PHIP: variants seen among roughly 807,000 people sequenced by gnomAD.
PHIP encodes PH-interacting protein.
In PHIP, 54 loss-of-function variants were observed where a neutral mutation model predicts 236.8. That is an observed-to-expected ratio of 0.23 (90% CI 0.18 to 0.29). The LOEUF is 0.29. Ranked by LOEUF, PHIP falls within the 10% of genes least tolerant of loss-of-function variation. The probability of loss-of-function intolerance (pLI) is 1.00; values close to 1 mark genes in which losing one functional copy is unlikely to be tolerated. For synonymous variants in PHIP, 756 were observed against 718.9 expected (o/e 1.05, Z -0.83); for missense variants, 1,370 against 2,190.8 (o/e 0.63, Z 7.48).
chr6:79,048,090 T>C (rs900731030), intron 6 of PHIP, among the ~76,000 whole-genome samples: 1 of 151,946 alleles, frequency 6.6e-6, no homozygotes, highest in Non-Finnish European at 1.5e-5. Flanking sequence ...CAATCAATGA[T>C]GTTTTAATAT....
chr6:78,941,741 T>A (rs1235685565), intron 39 of PHIP, among the ~76,000 whole-genome samples: 1 of 152,172 alleles, frequency 6.6e-6, no homozygotes, highest in Non-Finnish European at 1.5e-5. Context: ...AAAAGTCCTA[T>A]CTCCTTGTGT....
At position 78,945,368 on chromosome 6, in the gene PHIP, C is replaced by T. The variant is rs760455292; in HGVS notation, c.4760G>A (p.Arg1587His). 4 of 1,613,694 alleles carry T rather than the reference C, an allele frequency of 2.5e-6. No homozygotes were observed. The African/African-American group carries it at 4.0e-5, about 16-fold the overall frequency. Residue 1587 changes from arginine to histidine, a missense_variant, in exon 39 of 40, where the codon CGT becomes CAT. Physicochemically the swap from Arg to His is conservative, Grantham distance 29 (BLOSUM62 0). Coordinates refer to ENST00000275034, the MANE Select transcript of PHIP (RefSeq NM_017934.7). The part of the protein sequence containing the change: ...ENMEKEKPVK[R>H]KMKSSVLPKA... The stretch of plus-strand genomic sequence containing the variant: ...TGGGAGTACAGATGACTTCATTTTA[C>T]GTTTGACTGGCTTTTCCTTTTCCAT...
chr6:79,074,657 A>C (rs536487154), intron 4 of PHIP, among the ~76,000 whole-genome samples: 1 of 152,228 alleles, frequency 6.6e-6, no homozygotes, highest in South Asian at 2.1e-4. Context: ...GTAGATGGTG[A>C]TAATCAGTCA....
chr6:78,997,002 G>A (rs1171537824), intron 19 of PHIP, among the ~76,000 whole-genome samples: 1 of 150,140 alleles, frequency 6.7e-6, no homozygotes, highest in Non-Finnish European at 1.5e-5. Flanking sequence ...AAATCTTTTT[G>A]TATTTTCCAA....
Position 78,954,832 on chromosome 6 carries a change from T to C in PHIP, c.4035A>G (p.Val1345=). 6.3e-7 allele frequency: 1 copy of C among 1,582,972 alleles called. No individual in the cohort carries two copies. ...CEDSEPFRQP[V]DLLEYPDYRD... ...TACTTACTGGATATTCAAGGAGATC[T>C]ACCGGCTGACGGAAAGGCTCTGAAT... Residue 1345 remains valine, a synonymous_variant, in exon 35 of 40, where the codon GTA becomes GTG. Transcript: ENST00000275034.
intron 29 of PHIP, among the ~76,000 whole-genome samples, chr6:78,964,797 A>G (rs1470405564): frequency 6.6e-6 from 1 of 152,170 alleles, no homozygotes; most frequent in Non-Finnish European, 1.5e-5. Context: ...GCCCTGTAAT[A>G]TATTATTTTT....
rs1769009060 is a variant in PHIP at position 78,988,466 on chromosome 6, T to C, written c.2320-117A>G. The C allele has an allele frequency of 1.7e-5, 11 of 636,016 alleles. No individual in the cohort carries two copies. In the South Asian group the frequency reaches 2.3e-4, roughly 13 times the overall value. 39.4% of individuals were successfully genotyped at this position (636,016 alleles called of 1,614,324 possible). On this transcript the variant is annotated intron_variant, in intron 20 of 39. Transcript: ENST00000275034. ...AGCTGGGCATGGTGGCGCATGCCTA[T>C]AGTCCCAGCTACTTGGGAAGATTGC...
chr6:79,017,394 TAAAC>T lies in PHIP; in HGVS notation c.1096-12_1096-9del. On this transcript the variant is annotated splice_polypyrimidine_tract_variant and intron_variant, in intron 11 of 39. Transcript: ENST00000275034. ...GATACTGTCAACTTTGTCCTATATA[TAAAC>T]AAATAAACAAAAAAGTGGGTGCTGA... 1 of 1,584,356 alleles carries T rather than the reference TAAAC, an allele frequency of 6.3e-7. No homozygotes were observed. Among genetic ancestry groups the T allele is most frequent in the Non-Finnish European group, 8.6e-7 (1 of 1,160,226 alleles).
At chr6:78,987,941 GTA>G (rs1235238126) in intron 21 of PHIP, among the ~76,000 whole-genome samples, 1 of 152,134 alleles carries the variant, frequency 6.6e-6, no homozygotes, top group Admixed American at 6.5e-5. Flanking sequence ...ATAGGTGACT[GTA>G]TAGTCTAAAT....
At chr6:78,978,766 C>G in intron 23 of PHIP, 55 bp from the exon 24 acceptor site, 1 of 1,357,654 alleles carries the variant, frequency 7.4e-7, no homozygotes, top group South Asian at 1.3e-5. Context: ...CATTAATCCA[C>G]AAATCTACTC....
Position 78,998,324 on chromosome 6 carries a change from T to A in PHIP, c.1947A>T (p.Arg649Ser). The change falls in exon 18 of 40, where the codon AGA (arginine) becomes AGT (serine). Residue 649 changes from arginine (R) to serine (S), a missense_variant. Arg to Ser is a moderately radical substitution (Grantham distance 110, BLOSUM62 -1). Around this residue, in one of 14 missense-constraint regions of PHIP, gnomAD observed 133 missense variants for 245.2 expected, o/e 0.54. Transcript: ENST00000275034. ...EISPLDSMIQ[R>S]LQQEQDLRRS... ...GTCTCAGGTCTTGCTCCTGTTGTAG[T>A]CTTTGAATCATGCTGTCCAGTGGGC... 6.2e-7 allele frequency: 1 copy of A among 1,613,482 alleles called. No individual in the cohort carries two copies. Among genetic ancestry groups the A allele is most frequent in the Non-Finnish European group, 8.5e-7 (1 of 1,179,438 alleles).
Position 79,077,732 on chromosome 6 carries a change from G to A in PHIP, c.100-3C>T, listed in dbSNP as rs998023935. ...TCGGCCACCTCGCGGATCAGCACCT[G>A]CAACAACAAAGCGGGGAGAGCTGAG... is the stretch of plus-strand genomic sequence containing the variant. On this transcript the variant is annotated splice_polypyrimidine_tract_variant and splice_region_variant and intron_variant, in intron 2 of 39. Transcript: ENST00000275034. The A allele has an allele frequency of 2.1e-5, 21 of 1,012,474 alleles. No homozygotes were observed. Among genetic ancestry groups the A allele is most frequent in the Non-Finnish European group, 2.5e-5 (21 of 849,928 alleles). 62.7% of individuals were successfully genotyped at this position (1,012,474 alleles called of 1,614,324 possible). A position where few individuals can be genotyped will look rare whatever the true frequency, so the allele number is the denominator to read the frequency against.
rs1323091022 is a variant in PHIP, at chr6:79,002,234, T to C, written c.1654-110A>G. The C allele has an allele frequency of 1.2e-5, 8 of 644,780 alleles. No individual in the cohort carries two copies. The African/African-American group carries it at 1.3e-4, about 10-fold the overall frequency. The allele number at this position is 644,780 out of a possible 1,614,324, so 39.9% of individuals were successfully genotyped here. A position where few individuals can be genotyped will look rare whatever the true frequency, so the allele number is the denominator to read the frequency against. ...GCAAACACCTGAATACGAATAATGGTATTAAGCAACAATTTTTAAAATATT... is the reference window on the plus strand; with the variant it reads ...GCAAACACCTGAATACGAATAATGGCATTAAGCAACAATTTTTAAAATATT... On this transcript the variant is annotated intron_variant, in intron 16 of 39. Coordinates refer to ENST00000275034, the MANE Select transcript of PHIP (RefSeq NM_017934.7).
intron 16 of PHIP, 144 bp from the exon 17 acceptor site, chr6:79,002,268 G>A (rs566425471): frequency 1.7e-5 from 10 of 589,016 alleles, no homozygotes; most frequent in Admixed American, 3.0e-5. Context: ...TTATTTTCCT[G>A]AATTAATTGT....
chr6:78,937,704 C>G lies in PHIP; in HGVS notation c.*2989G>C, dbSNP rs1437889149. 2 of 151,594 alleles carry G rather than the reference C, an allele frequency of 1.3e-5. No individual in the cohort carries two copies. Among genetic ancestry groups the G allele is most frequent in the Admixed American group, 6.6e-5 (1 of 15,230 alleles). The allele number at this position is 151,594 out of a possible 1,614,324, so 9.4% of individuals were successfully genotyped here. A position where few individuals can be genotyped will look rare whatever the true frequency, so the allele number is the denominator to read the frequency against. The stretch of plus-strand genomic sequence containing the variant: ...GCCAATCTTTAGTTTATAATACATG[C>G]AGAAAATAGTCCAATGCCACTATAG... On this transcript the variant is annotated 3_prime_UTR_variant, in exon 40 of 40. Transcript: ENST00000275034.
chr6:78,970,396 G>C (rs193270680), intron 25 of PHIP, among the ~76,000 whole-genome samples: 3 of 151,922 alleles, frequency 2.0e-5, no homozygotes, highest in Non-Finnish European at 4.4e-5. Context: ...AAAAAATAAG[G>C]AGAACTTTAC....
At chr6:79,058,825 A>G (rs925081869) in intron 6 of PHIP, among the ~76,000 whole-genome samples, 8 of 152,148 alleles carry the variant, frequency 5.3e-5, no homozygotes, top group Non-Finnish European at 8.8e-5. Context: ...AAGAACAAGC[A>G]TAACGTGTTC....
chr6:79,073,894 T>C (rs1774018288), intron 4 of PHIP, among the ~76,000 whole-genome samples: 1 of 152,178 alleles, frequency 6.6e-6, no homozygotes, highest in Admixed American at 6.5e-5. Flanking sequence ...TTCTGTGTTT[T>C]GGAAAACTAA....
intron 24 of PHIP, among the ~76,000 whole-genome samples, chr6:78,974,504 G>C (rs979990121): frequency 2.0e-5 from 3 of 151,538 alleles, no homozygotes; most frequent in Non-Finnish European, 3.0e-5. Context: ...AAAGCTAGCA[G>C]AAGGCAAGAA....
Sources: gnomAD v4.1 joint callset for allele counts (sites outside exome capture counted in the v4.1 genomes callset) on GRCh38, gnomAD v4.1.1 for gene constraint, gnomAD v4.1.1 regional missense constraint, MANE v1.5 for transcripts, NCBI Gene and HGNC (gene_info 2026-07-23, HGNC 2026-07-21) for gene names.